HPD: variants seen among roughly 807,000 people sequenced by gnomAD.
HPD encodes 4-hydroxyphenylpyruvic acid oxidase.
In HPD, 35 loss-of-function variants were observed where a neutral mutation model predicts 56.9. The ratio of observed to expected loss-of-function variants is 0.62; its 90% CI spans 0.47 to 0.82. The LOEUF (loss-of-function observed/expected upper bound fraction) is 0.82, where lower values mean the gene tolerates loss of function less well. HPD is among the 40% of genes least tolerant of loss of function. The pLI, the probability that HPD is intolerant of heterozygous loss-of-function variation, is 0.00. For missense variants in HPD, 442 were observed against 506.8 expected (o/e 0.87, Z 1.23); for synonymous variants, 186 against 200.2 (o/e 0.93, Z 0.60).
At chr12:121,885,269 TC>T in the HPD span, among the ~76,000 whole-genome samples, 1 of 150,872 alleles carries the variant, frequency 6.6e-6, no homozygotes. Flanking sequence ...TAGCACCATC[TC>T]GGCTCATTGT....
chr12:121,852,809 A>AT (rs200506911), intron 7 of HPD, among the ~76,000 whole-genome samples: 11 of 148,532 alleles, frequency 7.4e-5, no homozygotes, highest in East Asian at 2.0e-4. Context: ...TAACTTTTGT[A>AT]TTTTTTTTTA....
In HPD at chr12:121,849,076, C is replaced by T; in HGVS notation, c.519G>A (p.Leu173=). Residue 173 remains leucine, a splice_region_variant and synonymous_variant, in exon 9 of 14, where the codon CTG becomes CTA. Transcript: ENST00000289004. ...PAFMDPLLPK[L]PKCSLEMIDH... ...CGATCATCTCCAGACTGCATTTGGG[C>T]CTGGGAAGGGAAGAAGATGGGGGTG... 1 of 1,612,728 alleles carries T rather than the reference C, an allele frequency of 6.2e-7. No homozygotes were observed. Among genetic ancestry groups the T allele is most frequent in the Non-Finnish European group, 8.5e-7 (1 of 1,178,900 alleles).
At chr12:121,864,073 C>CAAAAAAAAAAAAA (rs748278452), upstream of HPD, among the ~76,000 whole-genome samples, 4 of 71,238 alleles carry the variant, frequency 5.6e-5, no homozygotes, top group Non-Finnish European at 7.8e-5. Context: ...ACTAAAAATA[C>CAAAAAAAAAAAAA]AAAAAAAAAA....
chr12:121,840,435 G>T (rs988055554), intron 12 of HPD, among the ~76,000 whole-genome samples: 2 of 152,064 alleles, frequency 1.3e-5, no homozygotes, highest in African/African-American at 4.8e-5. Context: ...CGAGTAGCTG[G>T]GACTACAGGC....
At chr12:121,863,069 G>A (rs1237164155), upstream of HPD, among the ~76,000 whole-genome samples, 3 of 148,920 alleles carry the variant, frequency 2.0e-5, no homozygotes, top group African/African-American at 5.0e-5. Flanking sequence ...TGCAACCTCC[G>A]CCTCCTAGGT....
intron 2 of HPD, among the ~76,000 whole-genome samples, chr12:121,858,284 A>G (rs1050941716): frequency 3.9e-5 from 6 of 152,132 alleles, no homozygotes; most frequent in African/African-American, 1.4e-4. Context: ...CTAGGGTTCA[A>G]GTGATCTCCC....
chr12:121,857,283 T>A (rs1186274008), intron 4 of HPD, 45 bp downstream of exon 4: 3 of 1,246,006 alleles, frequency 2.4e-6, no homozygotes, highest in South Asian at 1.2e-5. Flanking sequence ...TTTCACCATG[T>A]TGGCCAGGCA....
chr12:121,871,797 C>T, the HPD span, among the ~76,000 whole-genome samples: 1 of 152,264 alleles, frequency 6.6e-6, no homozygotes, highest in East Asian at 1.9e-4. Context: ...CCACTCCTGG[C>T]ATCCTCTGAG....
chr12:121,850,426 C>CAA (rs138176126), intron 7 of HPD, among the ~76,000 whole-genome samples: 58 of 137,656 alleles, frequency 4.2e-4, no homozygotes, highest in Admixed American at 3.5e-3. Context: ...GACTCCGTCT[C>CAA]AAAAAAAAAA....
At chr12:121,856,924 G>A (rs1160842364) in intron 4 of HPD, 2 of 521,822 alleles carry the variant, frequency 3.8e-6, no homozygotes, top group Non-Finnish European at 6.9e-6. Flanking sequence ...GATATCCCAG[G>A]TTTTCTGAGC....
upstream of HPD, among the ~76,000 whole-genome samples, chr12:121,866,431 A>T (rs929723388): frequency 6.6e-6 from 1 of 152,096 alleles, no homozygotes; most frequent in Non-Finnish European, 1.5e-5. Context: ...TTTGTGTAAA[A>T]AAAAAACCCC....
upstream of HPD, chr12:121,858,869 G>A: frequency 6.2e-7 from 1 of 1,612,526 alleles, no homozygotes; most frequent in Non-Finnish European, 8.5e-7. Flanking sequence ...GGCCTGGGGA[G>A]TGCTGGGCCG....
At chr12:121,853,798 G>C (rs527499381) in intron 7 of HPD, among the ~76,000 whole-genome samples, 5 of 151,192 alleles carry the variant, frequency 3.3e-5, no homozygotes, top group Admixed American at 2.0e-4. Flanking sequence ...ACAAAAATTA[G>C]CCGTGTGTGC....
chr12:121,851,702 T>TA (rs1463527013), intron 7 of HPD, among the ~76,000 whole-genome samples: 15 of 3,922 alleles, frequency 3.8e-3, no homozygotes, highest in African/African-American at 0.014. Flanking sequence ...TTTATTTATT[T>TA]TTTTTTTTTT....
chr12:121,850,035 C>T, intron 7 of HPD: 1 of 504,012 alleles, frequency 2.0e-6, no homozygotes, highest in Non-Finnish European at 3.7e-6. Flanking sequence ...AAGCTCAGTG[C>T]CTGGCACAGG....
In HPD at chr12:121,854,759, C is replaced by A. The variant is rs1877932772; in HGVS notation, c.358G>T (p.Glu120Ter). The change falls in exon 7 of 14, where the codon GAG becomes TAG. Residue 120 changes from glutamate (E) to a stop codon, truncating the protein, a stop_gained. Transcript: ENST00000289004. LOFTEE classifies it high-confidence loss of function. ...AACTTGTCTTGCTCTACCCAGGGCTCCCGCATGATTTTGGCGCCCCGTTCC... is the reference window on the plus strand; with the variant it reads ...AACTTGTCTTGCTCTACCCAGGGCTACCGCATGATTTTGGCGCCCCGTTCC... ...ARERGAKIMR[E>*]PWVEQDKFGK... The A allele has an allele frequency of 6.2e-7, 1 of 1,613,998 alleles. No homozygotes were observed. Among genetic ancestry groups the A allele is most frequent in the African/African-American group, 1.3e-5 (1 of 74,902 alleles).
intron 11 of HPD, 78 bp from the exon 12 acceptor site, chr12:121,843,910 C>G: frequency 6.4e-7 from 1 of 1,564,422 alleles, no homozygotes; most frequent in Non-Finnish European, 8.8e-7. Context: ...GCTGGGTCAT[C>G]AGGATACAGG....
chr12:121,878,923 C>T, the HPD span, among the ~76,000 whole-genome samples: 1 of 151,944 alleles, frequency 6.6e-6, no homozygotes, highest in African/African-American at 2.4e-5. Context: ...CATCCTCCCG[C>T]CTTGGCCTCC....
intron 7 of HPD, among the ~76,000 whole-genome samples, chr12:121,853,883 G>C (rs1229257851): frequency 6.6e-6 from 1 of 151,812 alleles, no homozygotes; most frequent in Admixed American, 6.6e-5. Flanking sequence ...GTTGCAGTGA[G>C]CTGAGATCAC....
Sources: gnomAD v4.1 joint callset for allele counts (sites outside exome capture counted in the v4.1 genomes callset) on GRCh38, gnomAD v4.1.1 for gene constraint, MANE v1.5 for transcripts, NCBI Gene and HGNC (gene_info 2026-07-23, HGNC 2026-07-21) for gene names.